Variants in GAREM1 observed in about 807,000 individuals in gnomAD.
GAREM1 encodes GRB2 associated regulator of MAPK1 subtype 1.
Under a neutral mutation model 71.3 loss-of-function variants are expected in GAREM1, and 26 were observed. The observed-to-expected ratio is 0.36, with a 90% CI of 0.27 to 0.51. The LOEUF is 0.51. Among genes scored for constraint, GAREM1 ranks in the 20% least tolerant of loss-of-function variants. The probability of loss-of-function intolerance (pLI) is 0.95; values close to 1 mark genes in which losing one functional copy is unlikely to be tolerated. For missense variants in GAREM1, 1,026 were observed against 1,103.1 expected (o/e 0.93, Z 0.99); for synonymous variants, 440 against 433.2 (o/e 1.02, Z -0.20).
chr18:32,457,760 A>G (rs1324458126), intron 1 of GAREM1, among the ~76,000 whole-genome samples: 1 of 152,014 alleles, frequency 6.6e-6, no homozygotes, highest in Non-Finnish European at 1.5e-5. Flanking sequence ...TTTTTTAATT[A>G]TTATTTTTTA....
chr18:32,341,411 C>T (rs2047646326), intron 2 of GAREM1, among the ~76,000 whole-genome samples: 1 of 152,164 alleles, frequency 6.6e-6, no homozygotes, highest in South Asian at 2.1e-4. Context: ...CAAGTCTTTG[C>T]TATTGTGAAT....
chr18:32,397,770 G>T (rs2048272108), intron 1 of GAREM1, among the ~76,000 whole-genome samples: 1 of 152,070 alleles, frequency 6.6e-6, no homozygotes, highest in African/African-American at 2.4e-5. Context: ...AGGATATCCA[G>T]GAATTGAACT....
At chr18:32,382,470 C>T (rs764542226) in intron 2 of GAREM1, among the ~76,000 whole-genome samples, 5 of 152,002 alleles carry the variant, frequency 3.3e-5, no homozygotes, top group Non-Finnish European at 7.4e-5. Context: ...GCAAAGCCTA[C>T]CTGAGCAACA....
At chr18:32,330,990 T>C (rs1372194377) in intron 2 of GAREM1, among the ~76,000 whole-genome samples, 2 of 152,208 alleles carry the variant, frequency 1.3e-5, no homozygotes, top group Non-Finnish European at 2.9e-5. Context: ...CTGACATAAG[T>C]ACATCCTAAC....
intron 1 of GAREM1, among the ~76,000 whole-genome samples, chr18:32,406,659 C>G (rs1282466565): frequency 6.6e-6 from 1 of 152,128 alleles, no homozygotes; most frequent in African/African-American, 2.4e-5. Context: ...TGGCAACTAA[C>G]TTTTAAGAGG....
At chr18:32,461,865 C>T (rs892083927) in intron 1 of GAREM1, among the ~76,000 whole-genome samples, 10 of 152,054 alleles carry the variant, frequency 6.6e-5, no homozygotes, top group African/African-American at 1.2e-4. Flanking sequence ...TTCCTAGAAC[C>T]GGCAGCTCAG....
rs757324111 is a variant in GAREM1, at chr18:32,470,327, C to T, written c.102G>A (p.Gln34=). 6.4e-7 allele frequency: 1 copy of T among 1,561,314 alleles called. No homozygotes were observed. Among genetic ancestry groups the T allele is most frequent in the South Asian group, 1.2e-5 (1 of 84,844 alleles). The part of the protein sequence containing the change: ...DLLVSTYRLP[Q]IARLDNGECV... The stretch of plus-strand genomic sequence containing the variant: ...ACTCACCGTTGTCCAGGCGCGCGAT[C>T]TGGGGCAGCCGGTAAGTGCTGACCA... Residue 34 remains glutamine (Q), a synonymous_variant, in exon 1 of 6, where the codon CAG becomes CAA. Coordinates refer to ENST00000269209, the MANE Select transcript of GAREM1 (RefSeq NM_001242409.2). This position sits in a 1 kb window ranked among gnomAD's most constrained non-coding sequence, Gnocchi z 4.4.
At position 32,470,803 on chromosome 18, in the gene GAREM1, C is replaced by T. The variant is rs1393467148; in HGVS notation, c.-375G>A. ...CCCGCTCGCCTCCTCCTCCTCTTAC[C>T]CCTCCTTCCCTCCGCCTCGAGCGTG... On this transcript the variant is annotated 5_prime_UTR_variant, in exon 1 of 6. Coordinates refer to ENST00000269209, the MANE Select transcript of GAREM1 (RefSeq NM_001242409.2). This position sits in a 1 kb window ranked among gnomAD's most constrained non-coding sequence, Gnocchi z 4.4. Among the ~76,000 whole-genome samples, 4 of 150,376 alleles carry T rather than the reference C, an allele frequency of 2.7e-5. No homozygotes were observed. The East Asian group carries it at 5.8e-4, about 22-fold the overall frequency.
intron 4 of GAREM1, among the ~76,000 whole-genome samples, chr18:32,280,367 T>C (rs1168021375): frequency 6.6e-6 from 1 of 152,208 alleles, no homozygotes; most frequent in Non-Finnish European, 1.5e-5. Flanking sequence ...TAATGAGATC[T>C]GGCAGCACCA....
At chr18:32,383,027 C>G (rs1284486343) in intron 2 of GAREM1, among the ~76,000 whole-genome samples, 2 of 152,256 alleles carry the variant, frequency 1.3e-5, no homozygotes, top group Non-Finnish European at 2.9e-5. Context: ...GTGTCTACTG[C>G]ATTTGGTTTA....
chr18:32,428,483 T>A (rs2144252884), intron 1 of GAREM1, among the ~76,000 whole-genome samples: 1 of 152,176 alleles, frequency 6.6e-6, no homozygotes, highest in South Asian at 2.1e-4. Context: ...ATCTGGTTGT[T>A]TAAAAGTGTG....
chr18:32,352,220 G>C (rs2047759708), intron 2 of GAREM1, among the ~76,000 whole-genome samples: 1 of 152,080 alleles, frequency 6.6e-6, no homozygotes, highest in South Asian at 2.1e-4. Flanking sequence ...TTTTCCCAGG[G>C]AAACAAGAAT....
intron 2 of GAREM1, among the ~76,000 whole-genome samples, chr18:32,382,845 C>T (rs1398833158): frequency 6.6e-6 from 1 of 151,964 alleles, no homozygotes; most frequent in Non-Finnish European, 1.5e-5. Flanking sequence ...GGAAAGGACC[C>T]TAGGTGGACA....
intron 3 of GAREM1, among the ~76,000 whole-genome samples, chr18:32,302,151 G>A (rs1247817595): frequency 6.6e-6 from 1 of 152,196 alleles, no homozygotes; most frequent in East Asian, 1.9e-4. Context: ...GGAGCAGAGA[G>A]GTGACTGGAT....
chr18:32,364,467 A>G (rs929551839), intron 2 of GAREM1, among the ~76,000 whole-genome samples: 4 of 152,024 alleles, frequency 2.6e-5, no homozygotes, highest in Non-Finnish European at 4.4e-5. Context: ...AGAGCATGTA[A>G]CACAGAAACA....
intron 2 of GAREM1, among the ~76,000 whole-genome samples, chr18:32,376,318 T>G (rs1168339369): frequency 6.6e-6 from 1 of 152,216 alleles, no homozygotes; most frequent in Non-Finnish European, 1.5e-5. Flanking sequence ...GATGCTGCTC[T>G]GTACTACTTT....
chr18:32,334,823 T>A (rs2047573221), intron 2 of GAREM1, among the ~76,000 whole-genome samples: 1 of 152,192 alleles, frequency 6.6e-6, no homozygotes, highest in Non-Finnish European at 1.5e-5. Flanking sequence ...TCCATTTCCC[T>A]CTTCTTGGTA....
Position 32,295,095 on chromosome 18 carries a change from T to G in GAREM1, c.394-6892A>C, listed in dbSNP as rs925357210. Reference sequence around the variant, plus strand: ...TTGTTTTGTTTTTGAGATGGAGTCTTGCTCTGTCACCCAGGCTGGAGTGCA... The same window carrying G: ...TTGTTTTGTTTTTGAGATGGAGTCTGGCTCTGTCACCCAGGCTGGAGTGCA... On this transcript the variant is annotated intron_variant, in intron 3 of 5. Coordinates refer to ENST00000269209, the MANE Select transcript of GAREM1 (RefSeq NM_001242409.2). 3.9e-5 allele frequency among the ~76,000 whole-genome samples: 6 copies of G among 152,052 alleles called. No individual in the cohort carries two copies. The South Asian group carries it at 6.2e-4, about 16-fold the overall frequency.
At chr18:32,432,944 G>A (rs2048637638) in intron 1 of GAREM1, among the ~76,000 whole-genome samples, 1 of 151,818 alleles carries the variant, frequency 6.6e-6, no homozygotes. Context: ...TCATTCTATG[G>A]GGCCAGCATT....
Sources: allele counts gnomAD v4.1 joint callset (sites outside exome capture counted in the v4.1 genomes callset), GRCh38; gene constraint gnomAD v4.1.1; non-coding constraint Gnocchi (gnomAD v3.1); transcripts MANE v1.5; gene names NCBI Gene and HGNC (gene_info 2026-07-23, HGNC 2026-07-21).